Variants in KLHL32 observed in about 807,000 individuals in gnomAD.
KLHL32 encodes kelch like family member 32.
Under a neutral mutation model 64.8 loss-of-function variants are expected in KLHL32, and 35 were observed. The ratio of observed to expected loss-of-function variants is 0.54; its 90% CI spans 0.41 to 0.72. The LOEUF (loss-of-function observed/expected upper bound fraction) is 0.72, where lower values mean the gene tolerates loss of function less well. Among genes scored for constraint, KLHL32 ranks in the 30% least tolerant of loss-of-function variants. The probability of loss-of-function intolerance (pLI) is 0.00; values close to 1 mark genes in which losing one functional copy is unlikely to be tolerated. For synonymous variants in KLHL32, 259 were observed against 281.0 expected (o/e 0.92, Z 0.78); for missense variants, 589 against 768.5 (o/e 0.77, Z 2.76).
chr6:96,975,396 T>C (rs559358213), intron 2 of KLHL32, among the ~76,000 whole-genome samples: 313 of 152,352 alleles, frequency 2.1e-3, no homozygotes, highest in Middle Eastern at 3.4e-3. Context: ...GTTCTTATGG[T>C]GCACAATTTC....
intron 1 of KLHL32, among the ~76,000 whole-genome samples, chr6:96,927,574 G>T (rs1769316568): frequency 6.6e-6 from 1 of 152,196 alleles, no homozygotes; most frequent in African/African-American, 2.4e-5. Flanking sequence ...AGAGAGGAGT[G>T]TCATTTTATT....
intron 10 of KLHL32, among the ~76,000 whole-genome samples, chr6:97,137,069 T>G (rs973396367): frequency 6.6e-6 from 1 of 152,168 alleles, no homozygotes; most frequent in African/African-American, 2.4e-5. Flanking sequence ...TATAGAGTTG[T>G]GGTAAATACT....
chr6:97,138,331 G>T (rs578175723), intron 10 of KLHL32, among the ~76,000 whole-genome samples: 28 of 152,280 alleles, frequency 1.8e-4, no homozygotes, highest in African/African-American at 6.7e-4. Context: ...TTGAGCCCAG[G>T]AGTTTGAGAG....
chr6:96,927,427 C>G lies in KLHL32; in HGVS notation c.-66+2401C>G, dbSNP rs188626349. On this transcript the variant is annotated intron_variant, in intron 1 of 10. Coordinates refer to ENST00000369261, the MANE Select transcript of KLHL32 (RefSeq NM_052904.4). ...ACTCAGAGACATTAAATCCCAGCAC[C>G]CTGGTATACAAAATGTTTACTCCTT... is the stretch of plus-strand genomic sequence containing the variant. Among the ~76,000 whole-genome samples the G allele has an allele frequency of 7.2e-5, 11 of 152,174 alleles. No individual in the cohort carries two copies. The East Asian group carries it at 7.7e-4, about 11-fold the overall frequency.
chr6:96,911,609 G>A, the KLHL32 span, among the ~76,000 whole-genome samples: 2 of 151,888 alleles, frequency 1.3e-5, no homozygotes, highest in Admixed American at 1.3e-4. Context: ...TCCACTTCCC[G>A]CCTCCCATTT....
At chr6:97,049,078 T>C (rs1212841016) in intron 4 of KLHL32, among the ~76,000 whole-genome samples, 1 of 152,204 alleles carries the variant, frequency 6.6e-6, no homozygotes, top group African/African-American at 2.4e-5. Flanking sequence ...CCTTACCTGC[T>C]GGGGCTATAT....
intron 1 of KLHL32, among the ~76,000 whole-genome samples, chr6:96,965,365 G>C (rs539282964): frequency 5.3e-5 from 8 of 152,118 alleles, no homozygotes; most frequent in Non-Finnish European, 1.0e-4. Flanking sequence ...TAGTGAGTTG[G>C]TCTCCAAACG....
Position 97,114,016 on chromosome 6 carries a change from G to C in KLHL32, c.861G>C (p.Gln287His), listed in dbSNP as rs564955716. Residue 287 changes from glutamine (Q) to histidine (H), a missense_variant, in exon 7 of 11, where the codon CAG (glutamine) becomes CAC (histidine). Around this residue, in one of 3 missense-constraint regions of KLHL32, gnomAD observed 226 missense variants for 353.2 expected, o/e 0.64. Transcript: ENST00000369261. ...WQTRRTKPRF[Q>H]SDTLYIIGGK... ...CTCGCAGGACCAAACCACGATTCCA[G>C]TCAGACACTCTGTATATCATTGGTG... is the stretch of plus-strand genomic sequence containing the variant. The C allele has an allele frequency of 2.5e-6, 4 of 1,614,162 alleles. No individual in the cohort carries two copies. The African/African-American group carries it at 4.0e-5, about 16-fold the overall frequency.
At chr6:97,077,627 G>A (rs1011091851) in intron 5 of KLHL32, among the ~76,000 whole-genome samples, 5 of 152,214 alleles carry the variant, frequency 3.3e-5, no homozygotes, top group Admixed American at 3.3e-4. Flanking sequence ...AGATAGCATC[G>A]CAAGGGACTT....
chr6:96,929,887 T>C (rs1769633328), intron 1 of KLHL32, among the ~76,000 whole-genome samples: 1 of 152,210 alleles, frequency 6.6e-6, no homozygotes, highest in Non-Finnish European at 1.5e-5. Context: ...AAATAGCTTC[T>C]TCCCTTGCAA....
intron 6 of KLHL32, among the ~76,000 whole-genome samples, chr6:97,099,348 T>C (rs1281931118): frequency 6.6e-6 from 1 of 152,338 alleles, no homozygotes; most frequent in East Asian, 1.9e-4. Context: ...AGTTTCTTTT[T>C]CCTCTTCAGT....
chr6:97,076,449 C>T (rs958243296), intron 5 of KLHL32, among the ~76,000 whole-genome samples: 27 of 152,142 alleles, frequency 1.8e-4, no homozygotes, highest in African/African-American at 3.1e-4. Flanking sequence ...TGTCACTTTT[C>T]GCAATTTTTA....
intron 3 of KLHL32, among the ~76,000 whole-genome samples, chr6:97,024,000 A>G (rs1350472512): frequency 6.6e-6 from 1 of 152,190 alleles, no homozygotes; most frequent in East Asian, 1.9e-4. Context: ...AGAGATGAAA[A>G]TGTGCTTAAT....
chr6:97,000,727 A>T (rs1414865934), intron 3 of KLHL32, among the ~76,000 whole-genome samples: 2 of 152,202 alleles, frequency 1.3e-5, no homozygotes, highest in Non-Finnish European at 2.9e-5. Context: ...TATTCTAATT[A>T]CTCAAAAACA....
chr6:97,015,627 A>T (rs1490766198), intron 3 of KLHL32, among the ~76,000 whole-genome samples: 1 of 152,228 alleles, frequency 6.6e-6, no homozygotes. Flanking sequence ...AGTTTGGAAA[A>T]TTTGCAGCCT....
At chr6:97,116,954 T>C (rs1304441958) in intron 7 of KLHL32, among the ~76,000 whole-genome samples, 2 of 152,240 alleles carry the variant, frequency 1.3e-5, no homozygotes, top group Non-Finnish European at 2.9e-5. Flanking sequence ...CTCAGGTTTG[T>C]TTCTCCTTAC....
chr6:97,136,605 G>A (rs186124801), intron 10 of KLHL32, among the ~76,000 whole-genome samples: 53 of 152,302 alleles, frequency 3.5e-4, no homozygotes, highest in Non-Finnish European at 5.3e-4. Context: ...GAGCAGCTGC[G>A]TAAGTGTGCA....
Position 96,976,194 on chromosome 6 carries a change from T to C in KLHL32, c.204+17T>C, listed in dbSNP as rs779475909. The stretch of plus-strand genomic sequence containing the variant: ...TATTTCCGGGTAAGTCAGCATTGTT[T>C]GTTTCTCGTAAAATATTGATAAAGA... On this transcript the variant is annotated intron_variant, in intron 3 of 10. Coordinates refer to ENST00000369261, the MANE Select transcript of KLHL32 (RefSeq NM_052904.4). The C allele has an allele frequency of 3.7e-5, 57 of 1,520,908 alleles. No homozygotes were observed. Among genetic ancestry groups the C allele is most frequent in the Non-Finnish European group, 4.8e-5 (54 of 1,126,226 alleles). The allele number at this position is 1,520,908 out of a possible 1,614,324, so 94.2% of individuals were successfully genotyped here. A position where few individuals can be genotyped will look rare whatever the true frequency, so the allele number is the denominator to read the frequency against.
chr6:96,940,315 G>C (rs1207501790), intron 1 of KLHL32, among the ~76,000 whole-genome samples: 2 of 152,138 alleles, frequency 1.3e-5, no homozygotes, highest in Non-Finnish European at 2.9e-5. Flanking sequence ...TCAAGGAACT[G>C]TAGCTCTTAA....
Sources: allele counts gnomAD v4.1 joint callset (sites outside exome capture counted in the v4.1 genomes callset), GRCh38; gene constraint gnomAD v4.1.1; regional missense constraint gnomAD v4.1.1; transcripts MANE v1.5; gene names NCBI Gene and HGNC (gene_info 2026-07-23, HGNC 2026-07-21).